FBN3: variants seen among roughly 807,000 people sequenced by gnomAD.
FBN3 encodes the protein fibrillin 3, also known as fibrillin-3.
FBN3 carries 234 observed loss-of-function variants against 330.1 expected under a neutral mutation model. The observed-to-expected ratio is 0.71, with a 90% CI of 0.64 to 0.79. FBN3 has a LOEUF of 0.79. Among genes scored for constraint, FBN3 ranks in the 30% least tolerant of loss-of-function variants. The pLI, the probability that FBN3 is intolerant of heterozygous loss-of-function variation, is 0.00. For missense variants in FBN3, 3,606 were observed against 3,886.9 expected (o/e 0.93, Z 1.92); for synonymous variants, 1,458 against 1,517.3 (o/e 0.96, Z 0.91).
Position 8,135,923 on chromosome 19 carries a change from C to T in FBN3, c.1591+38G>A, listed in dbSNP as rs764597011. The T allele has an allele frequency of 4.1e-5, 57 of 1,382,554 alleles. No homozygotes were observed. In the East Asian group the frequency reaches 1.3e-3, roughly 32 times the overall value. 85.6% of individuals were successfully genotyped at this position (1,382,554 alleles called of 1,614,324 possible). A position where few individuals can be genotyped will look rare whatever the true frequency, so the allele number is the denominator to read the frequency against. ...TGGCTGTAAAAGGCAGCTAGTGGGG[C>T]CCGGAAGCCCCTGCCCACCCGCCCA... On this transcript the variant is annotated intron_variant, in intron 13 of 63. Transcript: ENST00000600128.
At position 8,129,074 on chromosome 19, in the gene FBN3, G is replaced by A. The variant is rs552641346; in HGVS notation, c.2250C>T (p.Ser750=). Residue 750 remains serine (S), a synonymous_variant, in exon 18 of 64, where the codon TCC becomes TCT. Transcript: ENST00000600128. This position sits in a 1 kb window ranked among gnomAD's most constrained non-coding sequence, Gnocchi z 4.5. Reference sequence around the variant, plus strand: ...GCCAGAAGTGGAAGCCGGGGGGGCAGGAGCAGCTGTAGCTGCCAGGGCTAT... The same window carrying A: ...GCCAGAAGTGGAAGCCGGGGGGGCAAGAGCAGCTGTAGCTGCCAGGGCTAT... ...CQNSPGSYSC[S]CPPGFHFWQD... 1.9e-6 allele frequency: 3 copies of A among 1,613,436 alleles called. No individual in the cohort carries two copies. The highest frequency in any genetic ancestry group is 2.5e-6 in the Non-Finnish European group (3 of 1,179,994).
intron 25 of FBN3, among the ~76,000 whole-genome samples, chr19:8,120,329 C>G (rs9676367): frequency 0.2 from 29,946 of 151,012 alleles, 3,412 homozygotes; most frequent in South Asian, 0.38. Context: ...GCCACCACAC[C>G]CAGCTAATTT....
At position 8,111,793 on chromosome 19, in the gene FBN3, C is replaced by T. The variant is rs186061333; in HGVS notation, c.3962-23G>A. On this transcript the variant is annotated intron_variant, in intron 31 of 63. Transcript: ENST00000600128. ...GGTCTGCAGGAGATGGAGCCCAGAC[C>T]CCCCACCCCATGGTGTGTGCATTGG... The T allele has an allele frequency of 5.6e-3, 8,949 of 1,609,846 alleles. 80 individuals carry two copies. The highest frequency in any genetic ancestry group is 0.024 in the South Asian group (2,194 of 90,830).
chr19:8,089,517 CAGAGCTGGGGA>C lies in FBN3; in HGVS notation c.6376+17_6376+27del. On this transcript the variant is annotated intron_variant, in intron 51 of 63. Transcript: ENST00000600128. The stretch of plus-strand genomic sequence containing the variant: ...TTCCTGTCCTGGGAGGGGCCTGGGA[CAGAGCTGGGGA>C]AGGGCTGGCCACTCACCCACACAGT... 1.2e-6 allele frequency: 2 copies of C among 1,613,214 alleles called. No homozygotes were observed. The highest frequency in any genetic ancestry group is 8.5e-7 in the Non-Finnish European group (1 of 1,179,558).
intron 40 of FBN3, 75 bp from the exon 41 acceptor site, chr19:8,101,047 C>G: frequency 8.0e-7 from 1 of 1,254,592 alleles, no homozygotes; most frequent in Non-Finnish European, 1.1e-6. Flanking sequence ...GGAGGGGACA[C>G]CTCATCCCTG....
intron 6 of FBN3, among the ~76,000 whole-genome samples, chr19:8,143,544 T>C (rs989473960): frequency 2.1e-5 from 3 of 144,996 alleles, no homozygotes; most frequent in Non-Finnish European, 4.5e-5. Flanking sequence ...TCTTCCAGGC[T>C]GGAGTACAGT....
chr19:8,138,683 A>G (rs1161093079), intron 8 of FBN3, 119 bp from the exon 9 acceptor site: 1 of 1,045,136 alleles, frequency 9.6e-7, no homozygotes, highest in African/African-American at 1.6e-5. Context: ...TCTGTGCCTC[A>G]GTTTCCTCTC....
At position 8,096,792 on chromosome 19, in the gene FBN3, A is replaced by G; in HGVS notation, c.5413+89T>C. 1 of 1,473,286 alleles carries G rather than the reference A, an allele frequency of 6.8e-7. No individual in the cohort carries two copies. Among genetic ancestry groups the G allele is most frequent in the East Asian group, 2.3e-5 (1 of 43,966 alleles). The allele number at this position is 1,473,286 out of a possible 1,614,324, so 91.3% of individuals were successfully genotyped here. A position where few individuals can be genotyped will look rare whatever the true frequency, so the allele number is the denominator to read the frequency against. On this transcript the variant is annotated intron_variant, in intron 43 of 63. Coordinates refer to ENST00000600128, the MANE Select transcript of FBN3 (RefSeq NM_032447.5). The surrounding 1 kb of genome is among the most constrained non-coding windows in gnomAD (Gnocchi z 4.6). ...CACCCCCCTAATAGTATAGAAAAGG[A>G]GAAAGACCTGGACAGAGCCATACCC...
At chr19:8,100,836 G>C (rs1568394676) in intron 41 of FBN3, 65 bp downstream of exon 41, 2 of 1,270,180 alleles carry the variant, frequency 1.6e-6, no homozygotes, top group Non-Finnish European at 2.3e-6. Context: ...GAGGAGGGGA[G>C]GGGTGGGAGG....
intron 56 of FBN3, among the ~76,000 whole-genome samples, chr19:8,083,809 T>C (rs1167650971): frequency 4.1e-5 from 6 of 145,364 alleles, no homozygotes; most frequent in Non-Finnish European, 7.7e-5. Context: ...TTTTTTCTTT[T>C]TTTTTTTTTT....
chr19:8,146,094 T>C (rs1727167313), intron 4 of FBN3, 33 bp downstream of exon 4: 1 of 1,553,560 alleles, frequency 6.4e-7, no homozygotes, highest in Non-Finnish European at 8.7e-7. Context: ...GTGAACTTCT[T>C]CTCCCTCCCG....
chr19:8,073,790 C>T (rs2081578141), intron 61 of FBN3, among the ~76,000 whole-genome samples: 1 of 152,204 alleles, frequency 6.6e-6, no homozygotes, highest in Non-Finnish European at 1.5e-5. Flanking sequence ...AGGGATCCTC[C>T]TGCCTCAGCC....
intron 13 of FBN3, 61 bp from the exon 14 acceptor site, chr19:8,133,167 TC>T: frequency 1.3e-6 from 2 of 1,500,074 alleles, no homozygotes; most frequent in Non-Finnish European, 1.8e-6. Context: ...TCTCTCTCCC[TC>T]CTCCAGGCTC....
intron 14 of FBN3, among the ~76,000 whole-genome samples, chr19:8,132,222 A>T (rs1374821495): frequency 2.0e-5 from 3 of 151,714 alleles, no homozygotes; most frequent in Non-Finnish European, 4.4e-5. Flanking sequence ...ATTTTTAAAA[A>T]TTTTTTATAG....
chr19:8,145,861 C>G lies in FBN3; in HGVS notation c.427G>C (p.Gly143Arg). Residue 143 changes from glycine (G) to arginine (R), a missense_variant, in exon 5 of 64, where the codon GGC (glycine) becomes CGC (arginine). Physicochemically the swap from Gly to Arg is moderately radical, Grantham distance 125 (BLOSUM62 -2). Transcript: ENST00000600128. ...TACTCACGCTGCCCACACACGGTGC[C>G]TGTGTAGCCCTTCTGACACAGACAG... is the stretch of plus-strand genomic sequence containing the variant. ...ASCLCQKGYT[G>R]TVCGQPICDR... 6.4e-7 allele frequency: 1 copy of G among 1,551,012 alleles called. No homozygotes were observed. The highest frequency in any genetic ancestry group is 2.4e-5 in the East Asian group (1 of 40,920).
At chr19:8,082,966 AG>A (rs1422867329) in intron 57 of FBN3, among the ~76,000 whole-genome samples, 1 of 152,022 alleles carries the variant, frequency 6.6e-6, no homozygotes, top group Non-Finnish European at 1.5e-5. Flanking sequence ...GTGGGACTAC[AG>A]GCCACCATCC....
At chr19:8,126,382 C>T (rs1394705922) in intron 20 of FBN3, 35 bp from the exon 21 acceptor site, 1 of 1,583,944 alleles carries the variant, frequency 6.3e-7, no homozygotes. Flanking sequence ...AGAGAGGAGT[C>T]ATTTTCTCAT....
intron 13 of FBN3, 26 bp downstream of exon 13, chr19:8,135,935 T>TGGGGGGGGGGGGGGCC: frequency 1.5e-6 from 2 of 1,344,156 alleles, no homozygotes; most frequent in Non-Finnish European, 2.0e-6. Context: ...CGGAAGCCCC[T>TGGGGGGGGGGGGGGCC]GCCCACCCGC....
rs1423929538 is a variant in FBN3, at chr19:8,123,993, G to A, written c.2747C>T (p.Pro916Leu). The A allele has an allele frequency of 6.2e-7, 1 of 1,613,694 alleles. No individual in the cohort carries two copies. Among genetic ancestry groups the A allele is most frequent in the Admixed American group, 1.7e-5 (1 of 59,964 alleles). ...ATCCTCATCCCATCGCAGGAAACATGGTTCCAATCTCACATCTGCACGGGG... is the reference window on the plus strand; with the variant it reads ...ATCCTCATCCCATCGCAGGAAACATAGTTCCAATCTCACATCTGCACGGGG... ...GRLCVDVRLE[P>L]CFLRWDEDEC... Residue 916 changes from proline to leucine, a missense_variant, in exon 23 of 64, where the codon CCA (proline) becomes CTA (leucine). Physicochemically the swap from Pro to Leu is moderately conservative, Grantham distance 98. Transcript: ENST00000600128.
Sources: gnomAD v4.1 joint callset for allele counts (sites outside exome capture counted in the v4.1 genomes callset) on GRCh38, gnomAD v4.1.1 for gene constraint, Gnocchi (gnomAD v3.1) non-coding constraint, MANE v1.5 for transcripts, NCBI Gene and HGNC (gene_info 2026-07-23, HGNC 2026-07-21) for gene names.